Variants in ANKRD44 observed in about 807,000 individuals in gnomAD.
ANKRD44 encodes the protein serine/threonine-protein phosphatase 6 regulatory ankyrin repeat subunit B.
In ANKRD44, 35 loss-of-function variants were observed where a neutral mutation model predicts 116.0. That is an observed-to-expected ratio of 0.30 (90% CI 0.23 to 0.40). ANKRD44 has a LOEUF of 0.40. Ranked by LOEUF, ANKRD44 falls within the 10% of genes least tolerant of loss-of-function variation. The pLI, the probability that ANKRD44 is intolerant of heterozygous loss-of-function variation, is 1.00. For missense variants in ANKRD44, 1,014 were observed against 1,242.6 expected, an observed-to-expected ratio of 0.82 and a Z score of 2.77; for synonymous variants, 435 against 461.8, an observed-to-expected ratio of 0.94 and a Z score of 0.74.
intron 16 of ANKRD44, among the ~76,000 whole-genome samples, chr2:197,061,527 G>A (rs911991852): frequency 6.6e-6 from 1 of 152,202 alleles, no homozygotes; most frequent in Admixed American, 6.5e-5. Context: ...AAAATAGTGG[G>A]TGTCCTGTGT....
At chr2:197,112,974 T>A (rs1003596784) in intron 8 of ANKRD44, among the ~76,000 whole-genome samples, 2 of 70,102 alleles carry the variant, frequency 2.9e-5, no homozygotes, top group Non-Finnish European at 6.1e-5. Context: ...GAACGGTAAG[T>A]TCATCTTAAT....
intron 16 of ANKRD44, chr2:197,028,702 T>C (rs532485554): frequency 6.1e-6 from 1 of 164,784 alleles, no homozygotes; most frequent in South Asian, 1.9e-4. Context: ...AATAAACTCA[T>C]TTAAAAGCTT....
chr2:197,287,270 A>G (rs2083433691), intron 1 of ANKRD44, among the ~76,000 whole-genome samples: 1 of 152,204 alleles, frequency 6.6e-6, no homozygotes, highest in African/African-American at 2.4e-5. Flanking sequence ...TATTTTTTAA[A>G]AAAGTATACC....
chr2:197,110,644 T>A, intron 9 of ANKRD44, 122 bp downstream of exon 9: 1 of 784,076 alleles, frequency 1.3e-6, no homozygotes, highest in Middle Eastern at 2.4e-4. Context: ...CAAAGAATTA[T>A]GTAATTGCAT....
intron 1 of ANKRD44, among the ~76,000 whole-genome samples, chr2:197,302,781 G>A (rs1310558767): frequency 6.6e-6 from 1 of 152,164 alleles, no homozygotes; most frequent in Non-Finnish European, 1.5e-5. Flanking sequence ...CCTTTCTTGA[G>A]AAAGTCTGTG....
intron 1 of ANKRD44, among the ~76,000 whole-genome samples, chr2:197,207,670 T>C (rs1338736814): frequency 6.6e-6 from 1 of 152,158 alleles, no homozygotes; most frequent in Non-Finnish European, 1.5e-5. Context: ...GAGATTATGA[T>C]AGACCTTTCC....
At chr2:197,148,048 A>C in intron 2 of ANKRD44, 1 of 302,768 alleles carries the variant, frequency 3.3e-6, no homozygotes, top group Non-Finnish European at 6.7e-6. Flanking sequence ...GGTAACATGC[A>C]AGGGAAAAAA....
intron 1 of ANKRD44, among the ~76,000 whole-genome samples, chr2:197,248,636 G>A (rs901603664): frequency 2.0e-5 from 3 of 150,098 alleles, no homozygotes; most frequent in African/African-American, 7.5e-5. Context: ...TAGAGACATA[G>A]ATATAGCTCC....
At chr2:197,158,093 C>G (rs967070811) in intron 2 of ANKRD44, among the ~76,000 whole-genome samples, 1 of 152,202 alleles carries the variant, frequency 6.6e-6, no homozygotes, top group Non-Finnish European at 1.5e-5. Context: ...CTGGCCAAGA[C>G]GCTGTGCTTT....
chr2:197,234,273 C>G (rs926176222), intron 1 of ANKRD44, among the ~76,000 whole-genome samples: 4 of 151,988 alleles, frequency 2.6e-5, no homozygotes, highest in African/African-American at 4.8e-5. Flanking sequence ...CACACTGCCT[C>G]CTCAACCTCC....
chr2:197,170,944 T>A (rs4013863), intron 2 of ANKRD44, among the ~76,000 whole-genome samples: 117,033 of 152,020 alleles, frequency 0.77, 46,122 homozygotes, highest in East Asian at 0.97. Flanking sequence ...ACTGTGCAGG[T>A]AAATTATTGG....
At chr2:197,007,987 T>C in intron 19 of ANKRD44, 64 bp from the exon 20 acceptor site, 1 of 1,002,954 alleles carries the variant, frequency 1.0e-6, no homozygotes, top group Non-Finnish European at 1.5e-6. Flanking sequence ...TCACTACCAG[T>C]AGGAAGACAT....
Position 197,171,996 on chromosome 2 carries a change from C to CTTTTTTTTTTTTTTTT in ANKRD44, c.111+15026_111+15027insAAAAAAAAAAAAAAAA. On this transcript the variant is annotated intron_variant, in intron 2 of 27. Coordinates refer to ENST00000282272, the MANE Select transcript of ANKRD44 (RefSeq NM_001195144.2). Reference sequence around the variant, plus strand: ...TATTATTACCATGTCCGTTATTTTTCTTCTTTTTTTTTTTTTTTTTTGAGA... The same window carrying CTTTTTTTTTTTTTTTT: ...TATTATTACCATGTCCGTTATTTTTCTTTTTTTTTTTTTTTTTTCTTTTTTTTTTTTTTTTTTGAGA... 6.8e-5 allele frequency among the ~76,000 whole-genome samples: 2 copies of CTTTTTTTTTTTTTTTT among 29,318 alleles called. 1 individual carries two copies. Among genetic ancestry groups the CTTTTTTTTTTTTTTTT allele is most frequent in the Non-Finnish European group, 2.8e-4 (2 of 7,034 alleles). The allele number at this position is 29,318 out of a possible 152,430, so 19.2% of individuals were successfully genotyped here. A position where few individuals can be genotyped will look rare whatever the true frequency, so the allele number is the denominator to read the frequency against.
At chr2:197,007,104 A>G (rs2076215587) in intron 20 of ANKRD44, among the ~76,000 whole-genome samples, 1 of 152,146 alleles carries the variant, frequency 6.6e-6, no homozygotes, top group Non-Finnish European at 1.5e-5. Context: ...AGATTAAAAA[A>G]AAAAAACCAA....
chr2:197,127,765 T>C (rs900182285), intron 4 of ANKRD44, among the ~76,000 whole-genome samples: 2 of 152,162 alleles, frequency 1.3e-5, no homozygotes, highest in African/African-American at 2.4e-5. Flanking sequence ...GATCAACCCA[T>C]TGCCTAGGTA....
At chr2:197,007,111 C>A (rs893138290) in intron 20 of ANKRD44, among the ~76,000 whole-genome samples, 9 of 150,324 alleles carry the variant, frequency 6.0e-5, no homozygotes, top group Non-Finnish European at 8.9e-5. Context: ...AAAAAAAAAA[C>A]CAAACACTTC....
intron 24 of ANKRD44, 24 bp from the exon 25 acceptor site, chr2:196,998,443 GT>G: frequency 6.3e-7 from 1 of 1,582,178 alleles, no homozygotes; most frequent in Non-Finnish European, 8.7e-7. Flanking sequence ...CCAAAAGAGG[GT>G]TACTTAGATG....
intron 1 of ANKRD44, among the ~76,000 whole-genome samples, chr2:197,217,656 C>T (rs779007853): frequency 6.6e-6 from 1 of 152,180 alleles, no homozygotes; most frequent in Non-Finnish European, 1.5e-5. Flanking sequence ...TTGTGCAGAG[C>T]TATAACGGTT....
chr2:197,158,984 A>AACAC (rs5837527), intron 2 of ANKRD44, among the ~76,000 whole-genome samples: 2,859 of 148,416 alleles, frequency 0.019, 35 homozygotes, highest in Middle Eastern at 0.028. Context: ...AGAGCAAACA[A>AACAC]ACACACACAC....
Sources: allele counts gnomAD v4.1 joint callset (sites outside exome capture counted in the v4.1 genomes callset), GRCh38; gene constraint gnomAD v4.1.1; transcripts MANE v1.5; gene names NCBI Gene and HGNC (gene_info 2026-07-23, HGNC 2026-07-21).